RCAN2: variants seen among roughly 807,000 people sequenced by gnomAD.
RCAN2 encodes calcipressin-2.
Under a neutral mutation model 23.6 loss-of-function variants are expected in RCAN2, and 9 were observed. The observed-to-expected ratio is 0.38, with a 90% CI of 0.23 to 0.67. The LOEUF (loss-of-function observed/expected upper bound fraction) is 0.67, where lower values mean the gene tolerates loss of function less well. RCAN2 is among the 30% of genes least tolerant of loss of function. RCAN2 has a pLI of 0.51. For missense variants in RCAN2, 273 were observed against 302.3 expected, an observed-to-expected ratio of 0.90 and a Z score of 0.72; for synonymous variants, 109 against 115.7, an observed-to-expected ratio of 0.94 and a Z score of 0.37.
At chr6:46,344,521 C>T (rs1764425431) in intron 2 of RCAN2, among the ~76,000 whole-genome samples, 1 of 151,782 alleles carries the variant, frequency 6.6e-6, no homozygotes, top group Non-Finnish European at 1.5e-5. Flanking sequence ...ATGAAGTTTA[C>T]AGCATATGTA....
chr6:46,304,233 G>A lies in RCAN2; in HGVS notation c.226-55337C>T, dbSNP rs573356901. Among the ~76,000 whole-genome samples the A allele has an allele frequency of 2.0e-5, 3 of 152,164 alleles. No homozygotes were observed. In the East Asian group the frequency reaches 5.8e-4, roughly 29 times the overall value. On this transcript the variant is annotated intron_variant, in intron 2 of 4. Transcript: ENST00000371374. ...TTTGGATATCTTCTCTTTTTGAAAT[G>A]TCTGTTCAAGTATTTTGCTCATTTT... is the stretch of plus-strand genomic sequence containing the variant.
intron 2 of RCAN2, among the ~76,000 whole-genome samples, chr6:46,255,752 C>T (rs1299810130): frequency 1.3e-5 from 2 of 151,954 alleles, no homozygotes; most frequent in Admixed American, 6.6e-5. Context: ...CCTGGAGAGC[C>T]GCAGGGTATG....
chr6:46,248,605 G>C, intron 3 of RCAN2, 118 bp downstream of exon 3: 5 of 789,972 alleles, frequency 6.3e-6, no homozygotes, highest in Non-Finnish European at 9.5e-6. Context: ...CTATTTCTCA[G>C]TGAATTAATT....
intron 4 of RCAN2, among the ~76,000 whole-genome samples, chr6:46,241,377 A>G (rs566547359): frequency 2.6e-5 from 4 of 152,228 alleles, no homozygotes; most frequent in Non-Finnish European, 5.9e-5. Context: ...GCTTCTACAC[A>G]TTCCCCAAGG....
chr6:46,347,571 C>T (rs1430225637), intron 2 of RCAN2, among the ~76,000 whole-genome samples: 1 of 152,130 alleles, frequency 6.6e-6, no homozygotes, highest in East Asian at 1.9e-4. Flanking sequence ...TAAAAAGTAT[C>T]TTATATGTAT....
chr6:46,282,299 A>T (rs1261654937), intron 2 of RCAN2, among the ~76,000 whole-genome samples: 1 of 151,988 alleles, frequency 6.6e-6, no homozygotes. Context: ...TAATCCCAGC[A>T]CTTTGGGAGG....
intron 2 of RCAN2, among the ~76,000 whole-genome samples, chr6:46,268,826 G>C (rs1025036041): frequency 2.0e-5 from 3 of 152,192 alleles, no homozygotes; most frequent in Non-Finnish European, 4.4e-5. Flanking sequence ...AATGTGACTA[G>C]ATGTGTGATT....
intron 2 of RCAN2, among the ~76,000 whole-genome samples, chr6:46,355,979 G>A (rs1764818383): frequency 6.6e-6 from 1 of 152,196 alleles, no homozygotes; most frequent in Admixed American, 6.5e-5. Context: ...CCATCCTGCT[G>A]CCTCCGAAGG....
At chr6:46,349,803 C>G (rs1482502876) in intron 2 of RCAN2, among the ~76,000 whole-genome samples, 1 of 152,130 alleles carries the variant, frequency 6.6e-6, no homozygotes, top group African/African-American at 2.4e-5. Flanking sequence ...GACTGGTCTC[C>G]CAGCTTCTCT....
At chr6:46,250,010 AC>A (rs1206631851) in intron 2 of RCAN2, among the ~76,000 whole-genome samples, 1 of 152,224 alleles carries the variant, frequency 6.6e-6, no homozygotes, top group Non-Finnish European at 1.5e-5. Flanking sequence ...GTAATTAAAA[AC>A]TTTAGACTCA....
chr6:46,224,793 T>G (rs913845151), intron 4 of RCAN2, among the ~76,000 whole-genome samples: 5 of 152,166 alleles, frequency 3.3e-5, no homozygotes, highest in Non-Finnish European at 7.4e-5. Context: ...GTACAGTTTT[T>G]TTTTTTTTAT....
intron 2 of RCAN2, among the ~76,000 whole-genome samples, chr6:46,407,093 G>C (rs990114463): frequency 3.3e-5 from 5 of 152,176 alleles, no homozygotes; most frequent in African/African-American, 9.7e-5. Flanking sequence ...AGGCATTCAG[G>C]GGCTATTTTC....
At chr6:46,280,066 G>A (rs1725988708) in intron 2 of RCAN2, among the ~76,000 whole-genome samples, 1 of 152,172 alleles carries the variant, frequency 6.6e-6, no homozygotes, top group Non-Finnish European at 1.5e-5. Context: ...ACTAGGAACA[G>A]AATCCATGCC....
chr6:46,447,087 A>C (rs1192982496), intron 2 of RCAN2, among the ~76,000 whole-genome samples: 1 of 152,076 alleles, frequency 6.6e-6, no homozygotes, highest in African/African-American at 2.4e-5. Context: ...CTAACTATAC[A>C]CTGCCTACAA....
intron 4 of RCAN2, among the ~76,000 whole-genome samples, chr6:46,227,731 C>A (rs1765723141): frequency 6.6e-6 from 1 of 151,442 alleles, no homozygotes; most frequent in South Asian, 2.1e-4. Context: ...TTTCAAAAAA[C>A]CAGATCCCGG....
chr6:46,283,811 T>C (rs1218933752), intron 2 of RCAN2, among the ~76,000 whole-genome samples: 1 of 152,218 alleles, frequency 6.6e-6, no homozygotes, highest in Non-Finnish European at 1.5e-5. Context: ...AGTATGAATA[T>C]TACAAACTCA....
intron 2 of RCAN2, among the ~76,000 whole-genome samples, chr6:46,400,099 A>G (rs1159222802): frequency 6.6e-6 from 1 of 152,178 alleles, no homozygotes; most frequent in Non-Finnish European, 1.5e-5. Context: ...TTCCACCTCT[A>G]GTGTATCTCT....
chr6:46,245,296 A>C (rs1340812827), intron 4 of RCAN2, among the ~76,000 whole-genome samples: 1 of 152,188 alleles, frequency 6.6e-6, no homozygotes, highest in African/African-American at 2.4e-5. Flanking sequence ...TGAAAGTTCT[A>C]TAATTTAACT....
rs1362276495 is a variant in RCAN2 at position 46,250,412 on chromosome 6, T to A, written c.226-1516A>T. ...ATACAACCAACCTGATTCTTTTATT[T>A]CAACAGTAAAAGGTAATTTCTCATA... On this transcript the variant is annotated intron_variant, in intron 2 of 4. Coordinates refer to ENST00000371374, the MANE Select transcript of RCAN2 (RefSeq NM_001251974.2). Among the ~76,000 whole-genome samples, 3 of 152,206 alleles carry A rather than the reference T, an allele frequency of 2.0e-5. No homozygotes were observed. The East Asian group carries it at 5.8e-4, about 29-fold the overall frequency.
Sources: gnomAD v4.1 joint callset for allele counts (sites outside exome capture counted in the v4.1 genomes callset) on GRCh38, gnomAD v4.1.1 for gene constraint, MANE v1.5 for transcripts, NCBI Gene and HGNC (gene_info 2026-07-23, HGNC 2026-07-21) for gene names.